Variants in UBE2L3 observed in about 807,000 individuals in gnomAD.
The protein encoded by UBE2L3 is ubiquitin conjugating enzyme E2 L3, also known as ubiquitin-conjugating enzyme E2 L3.
Under a neutral mutation model 17.8 loss-of-function variants are expected in UBE2L3, and 1 was observed. That is an observed-to-expected ratio of 0.06 (90% CI 0.02 to 0.27). UBE2L3 has a LOEUF of 0.27. UBE2L3 is among the 10% of genes least tolerant of loss of function. UBE2L3 has a pLI of 1.00. For missense variants in UBE2L3, 40 were observed against 192.6 expected (o/e 0.21, Z 4.69); for synonymous variants, 44 against 68.5 (o/e 0.64, Z 1.76).
chr22:21,605,492 GTTTCTTTTT>G (rs1015775237), intron 2 of UBE2L3, among the ~76,000 whole-genome samples: 2 of 151,820 alleles, frequency 1.3e-5, no homozygotes, highest in African/African-American at 4.8e-5. Context: ...TATAGATAGG[GTTTCTTTTT>G]TTTCTTTTTC....
chr22:21,603,445 G>A (rs1248067301), intron 2 of UBE2L3, among the ~76,000 whole-genome samples: 1 of 146,516 alleles, frequency 6.8e-6, no homozygotes, highest in African/African-American at 2.5e-5. Flanking sequence ...CAGGAGAATC[G>A]CTTGAACTCA....
intron 3 of UBE2L3, among the ~76,000 whole-genome samples, chr22:21,615,264 A>T (rs918186843): frequency 6.6e-6 from 1 of 152,088 alleles, no homozygotes; most frequent in African/African-American, 2.4e-5. Context: ...CCTTGAAAAT[A>T]TGCTAAATGG....
upstream of UBE2L3, among the ~76,000 whole-genome samples, chr22:21,563,555 C>T (rs1252980577): frequency 4.9e-5 from 7 of 143,244 alleles, no homozygotes; most frequent in Admixed American, 1.4e-4. Context: ...AGCGAGACTC[C>T]GTCTCAAAAA....
At chr22:21,592,070 G>A (rs1468968282) in intron 1 of UBE2L3, among the ~76,000 whole-genome samples, 1 of 152,218 alleles carries the variant, frequency 6.6e-6, no homozygotes, top group Admixed American at 6.5e-5. Flanking sequence ...AGACATCTCA[G>A]GCAGGACCCT....
intron 3 of UBE2L3, among the ~76,000 whole-genome samples, chr22:21,620,043 A>G (rs549667531): frequency 6.6e-6 from 1 of 152,158 alleles, no homozygotes; most frequent in Non-Finnish European, 1.5e-5. Context: ...CTGTCATCCT[A>G]GCACTTTTGG....
chr22:21,611,827 A>G (rs776223839), intron 3 of UBE2L3, among the ~76,000 whole-genome samples: 1 of 152,106 alleles, frequency 6.6e-6, no homozygotes, highest in Non-Finnish European at 1.5e-5. Context: ...AAGTACCTAA[A>G]CCAGTATAAA....
intron 1 of UBE2L3, among the ~76,000 whole-genome samples, chr22:21,590,296 C>T (rs932038667): frequency 2.2e-4 from 34 of 152,164 alleles, no homozygotes; most frequent in African/African-American, 8.0e-4. Flanking sequence ...CTCCCGGGTT[C>T]GAGCGATTCT....
rs989467153 is a variant in UBE2L3 at position 21,577,906 on chromosome 22, A to G, written c.27+10135A>G. 5.3e-5 allele frequency among the ~76,000 whole-genome samples: 8 copies of G among 152,302 alleles called. No homozygotes were observed. The East Asian group carries it at 5.8e-4, about 11-fold the overall frequency. On this transcript the variant is annotated intron_variant, in intron 1 of 3. Transcript: ENST00000342192. Reference sequence around the variant, plus strand: ...AGCAGGTGCTAATGTCAAAGGGCTCATGGGCTAATGTCAGGGCTCATGTGA... The same window carrying G: ...AGCAGGTGCTAATGTCAAAGGGCTCGTGGGCTAATGTCAGGGCTCATGTGA...
At chr22:21,566,766 G>T (rs1926655443), upstream of UBE2L3, among the ~76,000 whole-genome samples, 1 of 151,812 alleles carries the variant, frequency 6.6e-6, no homozygotes, top group African/African-American at 2.4e-5. Flanking sequence ...CAGCCTCATG[G>T]TCTTCGCCAG....
In UBE2L3 at chr22:21,589,236, C is replaced by T. The variant is rs192283802; in HGVS notation, c.28-3625C>T. Among the ~76,000 whole-genome samples, 920 of 150,828 alleles carry T rather than the reference C, an allele frequency of 6.1e-3. 14 individuals carry two copies. Among genetic ancestry groups the T allele is most frequent in the African/African-American group, 0.021 (873 of 40,790 alleles). ...TCTTGGCTGACTGCAAGCTCTGCCT[C>T]CTGGGTTCACGCCTTTCTCCTGCCT... On this transcript the variant is annotated intron_variant, in intron 1 of 3. Transcript: ENST00000342192.
chr22:21,563,289 C>T (rs1196177392), upstream of UBE2L3, among the ~76,000 whole-genome samples: 9 of 146,440 alleles, frequency 6.1e-5, no homozygotes, highest in Non-Finnish European at 1.0e-4. Flanking sequence ...TGGTGGCTCA[C>T]GCCTATAATC....
chr22:21,586,570 C>CTT (rs77935916), intron 1 of UBE2L3, among the ~76,000 whole-genome samples: 16 of 138,200 alleles, frequency 1.2e-4, no homozygotes, highest in East Asian at 6.3e-4. Flanking sequence ...TGCACCCAGC[C>CTT]TTTTTTTTTT....
intron 3 of UBE2L3, chr22:21,614,440 A>AG: frequency 1.9e-6 from 1 of 526,912 alleles, no homozygotes; most frequent in Middle Eastern, 3.5e-4. Flanking sequence ...AAAAAAAAAA[A>AG]GAAAGAAAGA....
chr22:21,565,524 G>T (rs1256960074), upstream of UBE2L3, among the ~76,000 whole-genome samples: 1 of 151,264 alleles, frequency 6.6e-6, no homozygotes, highest in Non-Finnish European at 1.5e-5. Context: ...GGCCAAGGTG[G>T]GTGGATCACT....
intron 3 of UBE2L3, among the ~76,000 whole-genome samples, chr22:21,614,323 C>T (rs1243945385): frequency 6.6e-6 from 1 of 152,084 alleles, no homozygotes; most frequent in African/African-American, 2.4e-5. Flanking sequence ...GGCACAGTGG[C>T]TCACGCCTGT....
In UBE2L3 at chr22:21,590,219, CAG is replaced by C. The variant is rs773963038; in HGVS notation, c.28-2639_28-2638del. 3.3e-5 allele frequency among the ~76,000 whole-genome samples: 5 copies of C among 152,016 alleles called. No homozygotes were observed. In the East Asian group the frequency reaches 5.8e-4, roughly 18 times the overall value. ...TTTTTATTTTTTTATTTTTTCGAGACAGAGTTTCGCTCTTTTCGCCCAAGCTG... is the reference window on the plus strand; with the variant it reads ...TTTTTATTTTTTTATTTTTTCGAGACAGTTTCGCTCTTTTCGCCCAAGCTG... On this transcript the variant is annotated intron_variant, in intron 1 of 3. Coordinates refer to ENST00000342192, the MANE Select transcript of UBE2L3 (RefSeq NM_003347.4).
intron 2 of UBE2L3, among the ~76,000 whole-genome samples, chr22:21,605,435 T>C (rs373392663): frequency 4.6e-5 from 7 of 152,316 alleles, no homozygotes. Flanking sequence ...GCCAGGATGG[T>C]CTCGATCTCC....
At chr22:21,556,787 C>T (rs111471175) in intron 1 of UBE2L3, among the ~76,000 whole-genome samples, 4,241 of 151,848 alleles carry the variant, frequency 0.028, 103 homozygotes, top group African/African-American at 0.098. Flanking sequence ...AGGCTGGGCG[C>T]AGTGGCCCAT....
chr22:21,593,138 C>A (rs1928348587), intron 2 of UBE2L3, among the ~76,000 whole-genome samples, 182 bp downstream of exon 2: 1 of 152,102 alleles, frequency 6.6e-6, no homozygotes, highest in African/African-American at 2.4e-5. Context: ...AGTAGAGTCA[C>A]ATCTTGGCAC....
Sources: allele counts gnomAD v4.1 joint callset (sites outside exome capture counted in the v4.1 genomes callset), GRCh38; gene constraint gnomAD v4.1.1; transcripts MANE v1.5; gene names NCBI Gene and HGNC (gene_info 2026-07-23, HGNC 2026-07-21).